HYDIN: variants seen among roughly 807,000 people sequenced by gnomAD.
HYDIN encodes HYDIN axonemal central pair apparatus protein, also known as axonemal central pair apparatus protein HYDIN.
A neutral mutation model predicts 403.9 loss-of-function variants in HYDIN; 132 were observed. The ratio of observed to expected loss-of-function variants is 0.33; its 90% CI spans 0.28 to 0.38. The LOEUF is 0.38. Ranked by LOEUF, HYDIN falls within the 10% of genes least tolerant of loss-of-function variation. HYDIN has a pLI of 1.00. For synonymous variants in HYDIN, 1,202 were observed against 1,891.7 expected, an observed-to-expected ratio of 0.64 and a Z score of 9.46; for missense variants, 2,827 against 5,009.5, an observed-to-expected ratio of 0.56 and a Z score of 13.15.
At chr16:71,075,167 T>A (rs1043640938) in intron 13 of HYDIN, among the ~76,000 whole-genome samples, 1 of 151,784 alleles carries the variant, frequency 6.6e-6, no homozygotes, top group African/African-American at 2.4e-5. Context: ...GTTTGGGAAA[T>A]CTTGGGGGTC....
At chr16:71,078,721 G>A (rs1219409807) in intron 13 of HYDIN, among the ~76,000 whole-genome samples, 1 of 152,104 alleles carries the variant, frequency 6.6e-6, no homozygotes, top group African/African-American at 2.4e-5. Flanking sequence ...GCCTGGGCTG[G>A]TCTTGAACTC....
chr16:70,935,460 CT>C (rs2077473311), intron 45 of HYDIN, among the ~76,000 whole-genome samples: 1 of 59,760 alleles, frequency 1.7e-5, no homozygotes, highest in East Asian at 6.2e-4. Context: ...CCACTCTGCC[CT>C]TCCAGTGCCA....
At position 70,840,211 on chromosome 16, in the gene HYDIN, A is replaced by C. The variant is rs1304394276; in HGVS notation, c.12896T>G (p.Met4299Arg). Reference protein sequence around the residue: ...IIKISHGPTFMCNISGCAVSP... With the variant: ...IIKISHGPTFRCNISGCAVSP... Reference sequence around the variant, plus strand: ...CACAGCACAGCCTGAGATGTTGCACATAAATGTTGGACCATGGCTGATCTG... The same window carrying C: ...CACAGCACAGCCTGAGATGTTGCACCTAAATGTTGGACCATGGCTGATCTG... The change falls in exon 76 of 86, where the codon ATG becomes AGG. Residue 4299 changes from methionine to arginine, a missense_variant. Coordinates refer to ENST00000393567, the MANE Select transcript of HYDIN (RefSeq NM_001270974.2). 3.1e-6 allele frequency: 3 copies of C among 968,120 alleles called. No homozygotes were observed. Among genetic ancestry groups the C allele is most frequent in the Non-Finnish European group, 4.5e-6 (3 of 661,944 alleles). The allele number at this position is 968,120 out of a possible 1,614,324, so 60.0% of individuals were successfully genotyped here. A position where few individuals can be genotyped will look rare whatever the true frequency, so the allele number is the denominator to read the frequency against.
At chr16:70,817,221 G>C (rs923754223) in intron 84 of HYDIN, 2 of 151,768 alleles carry the variant, frequency 1.3e-5, no homozygotes, top group Non-Finnish European at 2.9e-5. Flanking sequence ...CAATACCAAG[G>C]GTTGGTGAAG....
Position 70,938,764 on chromosome 16 carries a change from G to T in HYDIN, c.6854-9C>A. ...TCCCTTGTGCTTGCGTTCTGTGAGG[G>T]GAACAGAGACGGGAAGGTGAGGAAA... On this transcript the variant is annotated splice_polypyrimidine_tract_variant and intron_variant, in intron 43 of 85. Transcript: ENST00000393567. 3.1e-6 allele frequency: 5 copies of T among 1,613,842 alleles called. No homozygotes were observed. The highest frequency in any genetic ancestry group is 4.2e-6 in the Non-Finnish European group (5 of 1,179,960).
Position 70,964,881 on chromosome 16 carries a change from T to G in HYDIN, c.5635A>C (p.Lys1879Gln), listed in dbSNP as rs1269641775. Residue 1879 changes from lysine (K) to glutamine (Q), a missense_variant, in exon 37 of 86, where the codon AAG becomes CAG. Coordinates refer to ENST00000393567, the MANE Select transcript of HYDIN (RefSeq NM_001270974.2). ...AGGGTGTTGTAGGAATCATAGCCCTTCAGCTTCCGCAAGATCTGCTCGAGG... is the reference window on the plus strand; with the variant it reads ...AGGGTGTTGTAGGAATCATAGCCCTGCAGCTTCCGCAAGATCTGCTCGAGG... ...LIEEKILRKL[K>Q]GYDSYNTLLL... The G allele has an allele frequency of 6.2e-7, 1 of 1,613,756 alleles. No homozygotes were observed. Among genetic ancestry groups the G allele is most frequent in the South Asian group, 1.1e-5 (1 of 91,020 alleles).
Position 70,818,452 on chromosome 16 carries a change from C to T in HYDIN, c.14548G>A (p.Ala4850Thr), listed in dbSNP as rs1238836820. The T allele has an allele frequency of 6.2e-6, 10 of 1,601,424 alleles. No homozygotes were observed. Among genetic ancestry groups the T allele is most frequent in the Admixed American group, 3.4e-5 (2 of 58,998 alleles). The change falls in exon 84 of 86, where the codon GCC (alanine) becomes ACC (threonine). Residue 4850 changes from alanine (A) to threonine (T), a missense_variant. By Grantham distance (58) the Ala-to-Thr change is moderately conservative. Coordinates refer to ENST00000393567, the MANE Select transcript of HYDIN (RefSeq NM_001270974.2). ...MVTPVRQVAS[A>T]SIKLENPLPY... ...AGAGGGTTCTCCAACTTGATGGAGG[C>T]TGACGCAACTTGCCGGACTGGGGTC... is the stretch of plus-strand genomic sequence containing the variant.
Position 70,807,925 on chromosome 16 carries a change from C to A in HYDIN, c.15021G>T (p.Ser5007=). 1 of 1,614,148 alleles carries A rather than the reference C, an allele frequency of 6.2e-7. No individual in the cohort carries two copies. Among genetic ancestry groups the A allele is most frequent in the Non-Finnish European group, 8.5e-7 (1 of 1,180,022 alleles). ...GGATGATATACTCTCCACCTGCGAG[C>A]GATGATAGGATCAGGATGCCCTTGG... ...GETKGILILS[S]LAGGEYIIPL... The change falls in exon 86 of 86, where the codon TCG becomes TCT. Residue 5007 remains serine, a synonymous_variant. Coordinates refer to ENST00000393567, the MANE Select transcript of HYDIN (RefSeq NM_001270974.2).
chr16:71,021,839 C>T (rs2080507012), intron 21 of HYDIN, among the ~76,000 whole-genome samples: 1 of 152,174 alleles, frequency 6.6e-6, no homozygotes, highest in African/African-American at 2.4e-5. Flanking sequence ...ACTCTGTCTT[C>T]CAGTTCTATG....
At chr16:71,204,290 G>T (rs74509672) in intron 1 of HYDIN, among the ~76,000 whole-genome samples, 1,577 of 152,262 alleles carry the variant, frequency 0.01, 27 homozygotes, top group African/African-American at 0.036. Context: ...AAAATGCTTA[G>T]AATTCTTTTA....
intron 80 of HYDIN, 92 bp from the exon 81 acceptor site, chr16:70,829,922 A>T (rs2036859141): frequency 7.0e-6 from 8 of 1,135,096 alleles, no homozygotes; most frequent in Middle Eastern, 2.3e-4. Flanking sequence ...GGGAAGACTG[A>T]CTTTGACAGT....
chr16:71,184,733 G>A (rs895110755), intron 3 of HYDIN, 132 bp downstream of exon 3: 19 of 697,952 alleles, frequency 2.7e-5, no homozygotes, highest in Non-Finnish European at 4.5e-5. Context: ...ACATTCAGAG[G>A]CAGAAAAGGA....
chr16:71,197,107 A>G (rs2087733149), intron 1 of HYDIN, among the ~76,000 whole-genome samples: 2 of 152,160 alleles, frequency 1.3e-5, no homozygotes, highest in Admixed American at 1.3e-4. Context: ...ACCCCTTTCC[A>G]AAAACATATT....
intron 10 of HYDIN, among the ~76,000 whole-genome samples, chr16:71,100,596 A>G (rs1476427577): frequency 1.3e-5 from 2 of 152,226 alleles, no homozygotes; most frequent in African/African-American, 4.8e-5. Context: ...GCACAAATAC[A>G]TGTGAATTTG....
At chr16:70,808,102 T>G (rs749832361) in intron 85 of HYDIN, 40 bp from the exon 86 acceptor site, 1 of 1,559,160 alleles carries the variant, frequency 6.4e-7, no homozygotes, top group East Asian at 2.3e-5. Context: ...CGTGAGATCC[T>G]GAAGAGCACA....
chr16:70,905,211 G>A (rs1358098977), intron 50 of HYDIN, among the ~76,000 whole-genome samples: 4 of 152,078 alleles, frequency 2.6e-5, no homozygotes, highest in South Asian at 2.1e-4. Context: ...AAGGGGTGCC[G>A]CCTTCTCACT....
chr16:70,897,770 G>A (rs564557080), intron 53 of HYDIN, among the ~76,000 whole-genome samples: 14 of 152,344 alleles, frequency 9.2e-5, no homozygotes, highest in African/African-American at 2.9e-4. Context: ...GTGAATATAA[G>A]TTCACTTTGC....
At chr16:71,053,011 G>T (rs1237976377) in intron 18 of HYDIN, among the ~76,000 whole-genome samples, 1 of 151,512 alleles carries the variant, frequency 6.6e-6, no homozygotes, top group Admixed American at 6.6e-5. Context: ...GAAAGGGCTA[G>T]TATCCACAAT....
intron 53 of HYDIN, among the ~76,000 whole-genome samples, chr16:70,898,726 T>C (rs2076277242): frequency 6.6e-6 from 1 of 151,932 alleles, no homozygotes; most frequent in Non-Finnish European, 1.5e-5. Flanking sequence ...ATCCCGTGAA[T>C]GTCAAAGAAT....
Sources: allele counts gnomAD v4.1 joint callset (sites outside exome capture counted in the v4.1 genomes callset), GRCh38; gene constraint gnomAD v4.1.1; transcripts MANE v1.5; gene names NCBI Gene and HGNC (gene_info 2026-07-23, HGNC 2026-07-21).